The following STXBP6 variants were observed in gnomAD, a reference collection of about 807,000 sequenced individuals.
STXBP6 encodes the protein syntaxin-binding protein 6.
In STXBP6, 21 loss-of-function variants were observed where a neutral mutation model predicts 26.9. The observed-to-expected ratio is 0.78, with a 90% confidence interval of 0.55 to 1.12. STXBP6 has a LOEUF of 1.12. Ranked by LOEUF, STXBP6 falls within the 50% of genes most tolerant of loss-of-function variation. The pLI is 0.00. For missense variants in STXBP6, 232 were observed against 257.9 expected (o/e 0.90, Z 0.69); for synonymous variants, 97 against 92.6 (o/e 1.05, Z -0.27).
At chr14:24,875,515 G>A (rs1405017862) in intron 2 of STXBP6, among the ~76,000 whole-genome samples, 1 of 152,142 alleles carries the variant, frequency 6.6e-6, no homozygotes, top group Non-Finnish European at 1.5e-5. Flanking sequence ...GAACTGTTGG[G>A]GTGGGGTAGC....
chr14:24,831,943 T>C (rs1027255911), intron 4 of STXBP6, among the ~76,000 whole-genome samples: 1 of 152,208 alleles, frequency 6.6e-6, no homozygotes, highest in African/African-American at 2.4e-5. Context: ...GTAACAGAGC[T>C]GGCCTAGAAG....
At chr14:24,847,291 C>A (rs1251905943) in intron 4 of STXBP6, among the ~76,000 whole-genome samples, 1 of 152,048 alleles carries the variant, frequency 6.6e-6, no homozygotes, top group East Asian at 1.9e-4. Context: ...CTTTTAAATG[C>A]CAGTGGATGG....
intron 2 of STXBP6, among the ~76,000 whole-genome samples, chr14:24,885,476 C>T (rs1046341100): frequency 1.3e-5 from 2 of 152,214 alleles, no homozygotes; most frequent in Non-Finnish European, 2.9e-5. Context: ...CTAGGATAGA[C>T]AGGCCTTAAA....
intron 1 of STXBP6, among the ~76,000 whole-genome samples, chr14:25,018,773 CTATGCAA>C (rs962656263): frequency 2.6e-5 from 4 of 152,176 alleles, no homozygotes; most frequent in African/African-American, 9.7e-5. Flanking sequence ...CTTGACCTGC[CTATGCAA>C]TAAGTTCTTA....
At chr14:24,954,948 G>C (rs928017606) in intron 2 of STXBP6, among the ~76,000 whole-genome samples, 1 of 152,138 alleles carries the variant, frequency 6.6e-6, no homozygotes, top group African/African-American at 2.4e-5. Context: ...AAGTTACTGG[G>C]CATACCTACT....
chr14:24,980,512 A>G (rs1161849573), intron 1 of STXBP6, among the ~76,000 whole-genome samples: 1 of 152,198 alleles, frequency 6.6e-6, no homozygotes, highest in Non-Finnish European at 1.5e-5. Flanking sequence ...AGATTCTAAA[A>G]AGGAAGTCAG....
At chr14:24,899,994 C>T (rs760458431) in intron 2 of STXBP6, among the ~76,000 whole-genome samples, 2 of 152,112 alleles carry the variant, frequency 1.3e-5, no homozygotes, top group Non-Finnish European at 2.9e-5. Context: ...AGTTATGCAA[C>T]TTGCTAAACA....
intron 2 of STXBP6, among the ~76,000 whole-genome samples, chr14:24,953,963 G>C (rs183491961): frequency 6.6e-6 from 1 of 152,298 alleles, no homozygotes; most frequent in Non-Finnish European, 1.5e-5. Flanking sequence ...TGGAAGAAGA[G>C]GGAGAACTCC....
intron 2 of STXBP6, among the ~76,000 whole-genome samples, chr14:24,923,487 CAAGCCCTAT>C: frequency 6.6e-6 from 1 of 152,128 alleles, no homozygotes; most frequent in East Asian, 1.9e-4. Context: ...AAGTACTAGC[CAAGCCCTAT>C]AAGCACACCT....
chr14:24,882,205 C>G (rs543642856), intron 2 of STXBP6, among the ~76,000 whole-genome samples: 1 of 150,344 alleles, frequency 6.7e-6, no homozygotes, highest in East Asian at 2.0e-4. Flanking sequence ...CGGTGAAACC[C>G]CGTCTCTACT....
intron 2 of STXBP6, among the ~76,000 whole-genome samples, chr14:24,934,173 T>C (rs1260218713): frequency 6.6e-6 from 1 of 152,154 alleles, no homozygotes; most frequent in Non-Finnish European, 1.5e-5. Flanking sequence ...CTTCCTGAAA[T>C]AAAAACAAAT....
intron 1 of STXBP6, among the ~76,000 whole-genome samples, chr14:25,038,026 A>G (rs766190892): frequency 6.6e-6 from 1 of 152,172 alleles, no homozygotes; most frequent in Non-Finnish European, 1.5e-5. Flanking sequence ...AAGACTTTTT[A>G]CCAATGTTCT....
At chr14:24,915,358 CTG>C (rs2139761476) in intron 2 of STXBP6, among the ~76,000 whole-genome samples, 2 of 152,212 alleles carry the variant, frequency 1.3e-5, no homozygotes, top group Admixed American at 1.3e-4. Flanking sequence ...TACACACAAA[CTG>C]TGGGGCATGG....
At chr14:24,950,371 A>T (rs547086261) in intron 2 of STXBP6, among the ~76,000 whole-genome samples, 1 of 152,318 alleles carries the variant, frequency 6.6e-6, no homozygotes, top group African/African-American at 2.4e-5. Context: ...TTACCAAAAG[A>T]CATGTACCAG....
At chr14:25,022,936 C>T (rs1376023845) in intron 1 of STXBP6, among the ~76,000 whole-genome samples, 1 of 152,190 alleles carries the variant, frequency 6.6e-6, no homozygotes, top group Non-Finnish European at 1.5e-5. Flanking sequence ...AGCTGGCCTT[C>T]CTCAGAGTTC....
chr14:25,025,920 A>T lies in STXBP6; in HGVS notation c.-33+23958T>A, dbSNP rs118169066. On this transcript the variant is annotated intron_variant, in intron 1 of 5. Transcript: ENST00000323944. ...GCTTGGTAAATAAGGTCCTGCAAAA[A>T]TTGGCTCCCCAACTGCCCTTTCCAT... is the stretch of plus-strand genomic sequence containing the variant. 4.1e-3 allele frequency among the ~76,000 whole-genome samples: 627 copies of T among 152,286 alleles called. 2 individuals are homozygous for T. Among genetic ancestry groups the T allele is most frequent in the Middle Eastern group, 0.017 (5 of 294 alleles).
At chr14:25,002,384 C>T (rs1433449055) in intron 1 of STXBP6, among the ~76,000 whole-genome samples, 1 of 77,408 alleles carries the variant, frequency 1.3e-5, no homozygotes, top group Non-Finnish European at 2.4e-5. Context: ...TTTTGAGACA[C>T]AGTCTCGCTC....
At chr14:25,005,309 T>C (rs2074864160) in intron 1 of STXBP6, among the ~76,000 whole-genome samples, 1 of 152,140 alleles carries the variant, frequency 6.6e-6, no homozygotes, top group Non-Finnish European at 1.5e-5. Context: ...ATAACAATTA[T>C]GAGCAGACAA....
intron 5 of STXBP6, among the ~76,000 whole-genome samples, chr14:24,814,677 T>C (rs2067919458): frequency 6.6e-6 from 1 of 151,918 alleles, no homozygotes; most frequent in Admixed American, 6.6e-5. Context: ...CAAATGTTTG[T>C]GTTTCCCCAG....
Sources: gnomAD v4.1 joint callset for allele counts (sites outside exome capture counted in the v4.1 genomes callset) on GRCh38, gnomAD v4.1.1 for gene constraint, MANE v1.5 for transcripts, NCBI Gene and HGNC (gene_info 2026-07-23, HGNC 2026-07-21) for gene names.